TMEM8B: variants seen among roughly 807,000 people sequenced by gnomAD.
TMEM8B encodes the protein transmembrane protein 8B.
TMEM8B carries 29 observed loss-of-function variants against 49.3 expected under a neutral mutation model. The observed-to-expected ratio is 0.59, with a 90% CI of 0.44 to 0.80. The LOEUF is 0.80. Ranked by LOEUF, TMEM8B falls within the 30% of genes least tolerant of loss-of-function variation. The pLI, the probability that TMEM8B is intolerant of heterozygous loss-of-function variation, is 0.00. For synonymous variants in TMEM8B, 264 were observed against 272.8 expected (o/e 0.97, Z 0.32); for missense variants, 575 against 658.5 (o/e 0.87, Z 1.39).
intron 6 of TMEM8B, among the ~76,000 whole-genome samples, chr9:35,845,097 A>G (rs1289328499): frequency 1.3e-5 from 2 of 152,248 alleles, no homozygotes; most frequent in African/African-American, 4.8e-5. Flanking sequence ...GGCTGAGGAC[A>G]GGATGCATGA....
chr9:35,847,303 G>A, intron 10 of TMEM8B: 1 of 710,226 alleles, frequency 1.4e-6, no homozygotes, highest in Admixed American at 2.2e-5. Flanking sequence ...CCAAGAAACT[G>A]GCCTAAAGTA....
At chr9:35,845,330 T>G in intron 6 of TMEM8B, 1 of 899,972 alleles carries the variant, frequency 1.1e-6, no homozygotes, top group Non-Finnish European at 1.3e-6. Context: ...CCCTCAGGCA[T>G]TTATTATATT....
chr9:35,835,774 A>G (rs924373826), intron 3 of TMEM8B, among the ~76,000 whole-genome samples: 2 of 152,248 alleles, frequency 1.3e-5, no homozygotes, highest in Non-Finnish European at 2.9e-5. Flanking sequence ...GCTAGTGTCC[A>G]TCCTGGCCTT....
rs377460934 is a variant in TMEM8B, at chr9:35,834,031, TACACAC to T, written c.509-395_509-390del. Among the ~76,000 whole-genome samples, 569 of 138,400 alleles carry T rather than the reference TACACAC, an allele frequency of 4.1e-3. 3 individuals are homozygous for T. Among genetic ancestry groups the T allele is most frequent in the African/African-American group, 0.013 (496 of 37,154 alleles). The allele number at this position is 138,400 out of a possible 152,430, so 90.8% of individuals were successfully genotyped here. The stretch of plus-strand genomic sequence containing the variant: ...AGTGGCTTAAGACGCCATGCCAAAA[TACACAC>T]ACACACACACACACACACACACACA... On this transcript the variant is annotated intron_variant, in intron 1 of 12. Coordinates refer to ENST00000643932, the MANE Select transcript of TMEM8B (RefSeq NM_001042590.4).
rs2132408379 is a variant in TMEM8B, at chr9:35,853,730, T to A, written c.2665T>A (p.Ser889Thr). Residue 889 changes from serine (S) to threonine (T), a missense_variant, in exon 13 of 13, where the codon TCT becomes ACT. Ser to Thr is a moderately conservative substitution (Grantham distance 58). Transcript: ENST00000643932. The surrounding 1 kb of genome is among the most constrained non-coding windows in gnomAD (Gnocchi z 4.2). Reference protein sequence around the residue: ...PRAKTDHGVPSGARARGCGYQ... With the variant: ...PRAKTDHGVPTGARARGCGYQ... ...TGCCAAGACTGACCACGGGGTCCCA[T>A]CTGGAGCCCGGGCCCGGGGCTGTGG... The A allele has an allele frequency of 1.2e-6, 2 of 1,613,808 alleles. No homozygotes were observed. Among genetic ancestry groups the A allele is most frequent in the Non-Finnish European group, 1.7e-6 (2 of 1,179,790 alleles).
chr9:35,833,523 C>T (rs1325527136), intron 1 of TMEM8B, among the ~76,000 whole-genome samples: 1 of 152,196 alleles, frequency 6.6e-6, no homozygotes, highest in African/African-American at 2.4e-5. Context: ...AACTTCTGCT[C>T]ACCTTGGCTC....
At position 35,831,951 on chromosome 9, in the gene TMEM8B, G is replaced by A. The variant is rs573642649; in HGVS notation, c.508+1996G>A. On this transcript the variant is annotated intron_variant, in intron 1 of 12. Coordinates refer to ENST00000643932, the MANE Select transcript of TMEM8B (RefSeq NM_001042590.4). ...CTGGCAGTGTCATAGGACCATCATGGCACAGGGCTGCACAGTGCTTATTGG... is the reference window on the plus strand; with the variant it reads ...CTGGCAGTGTCATAGGACCATCATGACACAGGGCTGCACAGTGCTTATTGG... Among the ~76,000 whole-genome samples, 39 of 152,272 alleles carry A rather than the reference G, an allele frequency of 2.6e-4. 1 individual carries two copies. The South Asian group carries it at 5.6e-3, about 22-fold the overall frequency.
rs1831552360 is a variant in TMEM8B, at chr9:35,846,331, G to A, written c.1803G>A (p.Gln601=). ...RVARLRIPFP[Q]TGTWFLALRS... ...CCAGGCTGCGAATCCCATTCCCGCA[G>A]ACGGGGACCTGGTTCCTGGCCCTCC... The change falls in exon 8 of 13, where the codon CAG becomes CAA. Residue 601 remains glutamine, a synonymous_variant. Coordinates refer to ENST00000643932, the MANE Select transcript of TMEM8B (RefSeq NM_001042590.4). The A allele has an allele frequency of 1.9e-6, 3 of 1,614,154 alleles. No homozygotes were observed. The East Asian group carries it at 6.7e-5, about 36-fold the overall frequency.
intron 3 of TMEM8B, among the ~76,000 whole-genome samples, chr9:35,838,967 C>T (rs1305631895): frequency 6.6e-6 from 1 of 152,254 alleles, no homozygotes; most frequent in East Asian, 1.9e-4. Context: ...CCACAGTAGC[C>T]TCATAAGTGG....
At chr9:35,832,469 G>A (rs755264864) in intron 1 of TMEM8B, among the ~76,000 whole-genome samples, 3 of 152,008 alleles carry the variant, frequency 2.0e-5, no homozygotes, top group Non-Finnish European at 2.9e-5. Context: ...TATCTCACTG[G>A]CCTATTCTGT....
chr9:35,843,317 CT>C (rs1364723982), intron 6 of TMEM8B, among the ~76,000 whole-genome samples: 6 of 152,194 alleles, frequency 3.9e-5, no homozygotes, highest in African/African-American at 1.4e-4. Context: ...TTATTAATAT[CT>C]TACATTAGTA....
In TMEM8B at chr9:35,846,544, G is replaced by T. The variant is rs76908268; in HGVS notation, c.1929G>T (p.Gly643=). 9.5e-6 allele frequency: 15 copies of T among 1,578,616 alleles called. No homozygotes were observed. Among genetic ancestry groups the T allele is most frequent in the African/African-American group, 1.3e-5 (1 of 74,206 alleles). The change falls in exon 9 of 13, where the codon GGG becomes GGT. Residue 643 remains glycine (G), a synonymous_variant. Coordinates refer to ENST00000643932, the MANE Select transcript of TMEM8B (RefSeq NM_001042590.4). ...TGTCCCCATGCGTGGACGACTGCGG[G>T]CCCTACGGCCAGTGCAAGCTGCTGC... ...TFLSPCVDDC[G]PYGQCKLLRT...
intron 1 of TMEM8B, among the ~76,000 whole-genome samples, chr9:35,833,111 T>C (rs1192001139): frequency 6.6e-6 from 1 of 152,170 alleles, no homozygotes; most frequent in African/African-American, 2.4e-5. Flanking sequence ...GTTGCTCTGG[T>C]TCAGTGTTCG....
At chr9:35,852,121 C>A (rs1299757080) in intron 10 of TMEM8B, among the ~76,000 whole-genome samples, 2 of 152,104 alleles carry the variant, frequency 1.3e-5, no homozygotes, top group East Asian at 3.9e-4. Flanking sequence ...TTAGGATGTC[C>A]AGTTGAGTCT....
At position 35,849,209 on chromosome 9, in the gene TMEM8B, C is replaced by A. The variant is rs548323671; in HGVS notation, c.2175+2214C>A. On this transcript the variant is annotated intron_variant, in intron 10 of 12. Coordinates refer to ENST00000643932, the MANE Select transcript of TMEM8B (RefSeq NM_001042590.4). ...CAAATTGCAGTTGTCAGTACTAGGACAGGAGATAACAGTCCTCTTCCTTGT... is the reference window on the plus strand; with the variant it reads ...CAAATTGCAGTTGTCAGTACTAGGAAAGGAGATAACAGTCCTCTTCCTTGT... Among the ~76,000 whole-genome samples the A allele has an allele frequency of 1.7e-3, 262 of 152,280 alleles. 1 individual carries two copies. The highest frequency in any genetic ancestry group is 5.5e-3 in the African/African-American group (229 of 41,552).
chr9:35,838,873 C>T (rs936579149), intron 3 of TMEM8B, among the ~76,000 whole-genome samples: 1 of 152,202 alleles, frequency 6.6e-6, no homozygotes, highest in African/African-American at 2.4e-5. Context: ...GTCTTGTTGA[C>T]GCTACTTCTG....
chr9:35,834,398 C>G (rs1399376162), intron 1 of TMEM8B, 63 bp from the exon 2 acceptor site: 1 of 406,830 alleles, frequency 2.5e-6, no homozygotes, highest in Non-Finnish European at 4.4e-6. Context: ...ACTGGCATGC[C>G]TGTTGCTTAA....
chr9:35,852,838 C>G lies in TMEM8B; in HGVS notation c.2187C>G (p.Ala729=). 1 of 1,614,158 alleles carries G rather than the reference C, an allele frequency of 6.2e-7. No homozygotes were observed. The highest frequency in any genetic ancestry group is 1.7e-5 in the Admixed American group (1 of 60,018). Residue 729 remains alanine, a synonymous_variant, in exon 11 of 13, where the codon GCC becomes GCG. Coordinates refer to ENST00000643932, the MANE Select transcript of TMEM8B (RefSeq NM_001042590.4). ...ATTTCTTCCTTCAGTTCTATCATGC[C>G]TGTGACCAGCCAGGCATCGTGGTTT... ...FTMFFSTFYH[A]CDQPGIVVFC... is the part of the protein sequence containing the mutation.
chr9:35,842,880 A>G lies in TMEM8B; in HGVS notation c.1635+163A>G, dbSNP rs1006834926. On this transcript the variant is annotated intron_variant, in intron 6 of 12. Transcript: ENST00000643932. The surrounding 1 kb of genome is among the most constrained non-coding windows in gnomAD (Gnocchi z 5.6). Reference sequence around the variant, plus strand: ...CTCAGCCCAATTCTGGTCAACAAACATGTCCTGAGTATTCACTCTGCTACA... The same window carrying G: ...CTCAGCCCAATTCTGGTCAACAAACGTGTCCTGAGTATTCACTCTGCTACA... Among the ~76,000 whole-genome samples the G allele has an allele frequency of 1.3e-5, 2 of 152,184 alleles. No homozygotes were observed. Among genetic ancestry groups the G allele is most frequent in the Non-Finnish European group, 2.9e-5 (2 of 68,036 alleles).
Sources: allele counts gnomAD v4.1 joint callset (sites outside exome capture counted in the v4.1 genomes callset), GRCh38; gene constraint gnomAD v4.1.1; non-coding constraint Gnocchi (gnomAD v3.1); transcripts MANE v1.5; gene names NCBI Gene and HGNC (gene_info 2026-07-23, HGNC 2026-07-21).